The following NBAS variants were observed in gnomAD, a reference collection of about 807,000 sequenced individuals.
NBAS encodes the protein NBAS subunit of NRZ tethering complex, also known as NAG/BC035112 fusion.
NBAS carries 219 observed loss-of-function variants against 302.5 expected under a neutral mutation model. That is an observed-to-expected ratio of 0.72 (90% CI 0.65 to 0.81). The LOEUF (loss-of-function observed/expected upper bound fraction) is 0.81, where lower values mean the gene tolerates loss of function less well. Ranked by LOEUF, NBAS falls within the 30% of genes least tolerant of loss-of-function variation. The pLI, the probability that NBAS is intolerant of heterozygous loss-of-function variation, is 0.00. For synonymous variants in NBAS, 1,118 were observed against 1,021.6 expected (o/e 1.09, Z -1.80); for missense variants, 2,932 against 2,841.6 (o/e 1.03, Z -0.72).
chr2:15,442,943 A>T (rs998969847), intron 21 of NBAS, among the ~76,000 whole-genome samples: 6 of 152,226 alleles, frequency 3.9e-5, no homozygotes, highest in Non-Finnish European at 8.8e-5. Flanking sequence ...CTCTCCCAAC[A>T]CTAAACCAGG....
chr2:14,786,998 G>A, the NBAS span, among the ~76,000 whole-genome samples: 2 of 152,154 alleles, frequency 1.3e-5, no homozygotes, highest in Non-Finnish European at 2.9e-5. Flanking sequence ...TTATGAATCT[G>A]AGTGCTCCCG....
intron 8 of NBAS, 151 bp downstream of exon 8, chr2:15,536,267 G>A: frequency 1.2e-6 from 1 of 834,298 alleles, no homozygotes; most frequent in Non-Finnish European, 1.9e-6. Flanking sequence ...GAAGTAATGG[G>A]TGTTCACCAC....
At chr2:15,193,033 A>G (rs972778903) in intron 48 of NBAS, among the ~76,000 whole-genome samples, 21 of 152,222 alleles carry the variant, frequency 1.4e-4, no homozygotes, top group South Asian at 2.1e-4. Context: ...AACAGAAACT[A>G]TAAGTTAAAC....
intron 21 of NBAS, among the ~76,000 whole-genome samples, chr2:15,454,024 G>A (rs757612771): frequency 7.9e-5 from 12 of 152,026 alleles, no homozygotes; most frequent in African/African-American, 2.9e-4. Context: ...TGATGCGCCC[G>A]CCTCGGCCTC....
the NBAS span, among the ~76,000 whole-genome samples, chr2:15,154,163 T>A: frequency 2.6e-5 from 4 of 152,226 alleles, no homozygotes; most frequent in African/African-American, 7.2e-5. Context: ...CATATTTTTA[T>A]TTTGGTTTAT....
intron 9 of NBAS, 89 bp from the exon 10 acceptor site, chr2:15,511,439 GA>G: frequency 8.2e-7 from 1 of 1,217,648 alleles, no homozygotes; most frequent in African/African-American, 1.5e-5. Context: ...CCTTGAGAAA[GA>G]AAATTTACCA....
intron 50 of NBAS, among the ~76,000 whole-genome samples, chr2:15,182,834 T>C (rs778758106): frequency 7.2e-5 from 11 of 152,088 alleles, no homozygotes; most frequent in Non-Finnish European, 1.3e-4. Context: ...ATCATGGCCA[T>C]AAGTAAGCAA....
the NBAS span, among the ~76,000 whole-genome samples, chr2:15,026,462 CAAAAAAAAAAAA>C: frequency 1.5e-3 from 7 of 4,534 alleles, 3 homozygotes; most frequent in African/African-American, 0.011. Context: ...GACTCCGTCT[CAAAAAAAAAAAA>C]AAAAAAAAAA....
the NBAS span, among the ~76,000 whole-genome samples, chr2:14,989,609 C>A: frequency 6.6e-6 from 1 of 152,176 alleles, no homozygotes; most frequent in Admixed American, 6.5e-5. Context: ...GTCAGTCTCA[C>A]ACATTGCTGG....
At chr2:15,457,520 T>C (rs1679302073) in intron 21 of NBAS, among the ~76,000 whole-genome samples, 1 of 152,148 alleles carries the variant, frequency 6.6e-6, no homozygotes, top group Non-Finnish European at 1.5e-5. Flanking sequence ...TTAGGGTATG[T>C]TTAAGTTTTC....
At chr2:14,908,025 C>A in the NBAS span, among the ~76,000 whole-genome samples, 2 of 152,302 alleles carry the variant, frequency 1.3e-5, no homozygotes. Flanking sequence ...AGCATTAGGC[C>A]CACCCTGGAC....
At chr2:15,106,317 G>T in the NBAS span, among the ~76,000 whole-genome samples, 2 of 152,078 alleles carry the variant, frequency 1.3e-5, no homozygotes, top group Admixed American at 1.3e-4. Flanking sequence ...ATCCTGCTCT[G>T]GGAACCCACA....
chr2:15,031,182 T>C, the NBAS span, among the ~76,000 whole-genome samples: 126 of 152,348 alleles, frequency 8.3e-4, no homozygotes, highest in African/African-American at 2.9e-3. Flanking sequence ...AAGCAATTTA[T>C]GATAATTGAC....
the NBAS span, among the ~76,000 whole-genome samples, chr2:14,788,751 C>G: frequency 6.6e-6 from 1 of 152,166 alleles, no homozygotes; most frequent in East Asian, 1.9e-4. Flanking sequence ...TGGGGGGTGC[C>G]TCCCAGTTAG....
chr2:15,332,686 A>G (rs1672408659), intron 35 of NBAS, among the ~76,000 whole-genome samples: 1 of 152,202 alleles, frequency 6.6e-6, no homozygotes, highest in African/African-American at 2.4e-5. Flanking sequence ...AGAAAAAAAC[A>G]TATAAAAAGC....
the NBAS span, among the ~76,000 whole-genome samples, chr2:14,963,059 G>A: frequency 0.16 from 24,119 of 151,920 alleles, 2,606 homozygotes; most frequent in African/African-American, 0.31. Context: ...ATCTGAGGCC[G>A]GGAGTTTGAG....
chr2:14,975,873 C>T, the NBAS span, among the ~76,000 whole-genome samples: 1 of 151,984 alleles, frequency 6.6e-6, no homozygotes, highest in East Asian at 1.9e-4. Flanking sequence ...CAATTCAAGA[C>T]AGCAACTTGA....
the NBAS span, among the ~76,000 whole-genome samples, chr2:14,845,235 G>T: frequency 1.3e-5 from 2 of 152,184 alleles, no homozygotes; most frequent in East Asian, 3.9e-4. Context: ...TCTGGAAAAG[G>T]TAAAAGAAAA....
chr2:15,409,577 T>C (rs1200687676), intron 25 of NBAS, among the ~76,000 whole-genome samples: 1 of 152,188 alleles, frequency 6.6e-6, no homozygotes, highest in Non-Finnish European at 1.5e-5. Context: ...TGTTTTGCTT[T>C]TATTATTACA....
Sources: allele counts gnomAD v4.1 joint callset (sites outside exome capture counted in the v4.1 genomes callset), GRCh38; gene constraint gnomAD v4.1.1; transcripts MANE v1.5; gene names NCBI Gene and HGNC (gene_info 2026-07-23, HGNC 2026-07-21).